The following SGCZ variants were observed in gnomAD, a reference collection of about 807,000 sequenced individuals.
SGCZ encodes sarcoglycan zeta.
SGCZ carries 40 observed loss-of-function variants against 41.3 expected under a neutral mutation model. The observed-to-expected ratio is 0.97, with a 90% confidence interval of 0.75 to 1.26. The LOEUF is 1.26. SGCZ is among the 50% of genes most tolerant of loss of function. The pLI is 0.00. For missense variants in SGCZ, 552 were observed against 369.8 expected, an observed-to-expected ratio of 1.49 and a Z score of -4.04; for synonymous variants, 206 against 137.5, an observed-to-expected ratio of 1.50 and a Z score of -3.49.
intron 1 of SGCZ, among the ~76,000 whole-genome samples, chr8:15,196,619 T>G (rs1026709722): frequency 3.2e-4 from 41 of 128,146 alleles, no homozygotes; most frequent in African/African-American, 9.8e-4. Context: ...ACAGTAAAAT[T>G]TCTTTTATTT....
At chr8:14,774,396 A>G (rs1257825510) in intron 1 of SGCZ, among the ~76,000 whole-genome samples, 1 of 152,182 alleles carries the variant, frequency 6.6e-6, no homozygotes, top group Non-Finnish European at 1.5e-5. Context: ...ATACTCCGCA[A>G]CAGGCTATCA....
intron 1 of SGCZ, among the ~76,000 whole-genome samples, chr8:14,774,743 T>C (rs1800348065): frequency 6.6e-6 from 1 of 152,216 alleles, no homozygotes; most frequent in African/African-American, 2.4e-5. Flanking sequence ...TGATCTTCAT[T>C]AGCACGAAGG....
At chr8:14,785,582 G>A (rs1246381291) in intron 1 of SGCZ, among the ~76,000 whole-genome samples, 1 of 152,138 alleles carries the variant, frequency 6.6e-6, no homozygotes, top group African/African-American at 2.4e-5. Flanking sequence ...TGGTTCCCAT[G>A]TCCTGACCCC....
chr8:14,247,151 C>G (rs1799126472), intron 3 of SGCZ, among the ~76,000 whole-genome samples: 1 of 152,076 alleles, frequency 6.6e-6, no homozygotes, highest in Non-Finnish European at 1.5e-5. Flanking sequence ...CATTTCTACT[C>G]TGATACTTTT....
chr8:14,266,548 G>C (rs945618278), intron 3 of SGCZ, among the ~76,000 whole-genome samples: 1 of 152,114 alleles, frequency 6.6e-6, no homozygotes, highest in Admixed American at 6.5e-5. Flanking sequence ...TAAATGGAGA[G>C]AGAAGGAAAG....
chr8:14,378,507 G>A (rs1223610391), intron 2 of SGCZ, among the ~76,000 whole-genome samples: 2 of 151,988 alleles, frequency 1.3e-5, no homozygotes, highest in African/African-American at 4.8e-5. Flanking sequence ...ACAAAATGGG[G>A]GAAAATTTTC....
intron 1 of SGCZ, among the ~76,000 whole-genome samples, chr8:14,857,802 G>A (rs1803594207): frequency 6.6e-6 from 1 of 152,082 alleles, no homozygotes; most frequent in Admixed American, 6.6e-5. Context: ...GGAGGTGGAG[G>A]TAGCAGTGAG....
At chr8:14,334,594 T>C in intron 2 of SGCZ, among the ~76,000 whole-genome samples, 1 of 152,118 alleles carries the variant, frequency 6.6e-6, no homozygotes, top group Non-Finnish European at 1.5e-5. Context: ...TCTTAATTTA[T>C]TTGTGCTTTT....
chr8:14,694,962 T>C (rs543831488), intron 1 of SGCZ, among the ~76,000 whole-genome samples: 1 of 152,222 alleles, frequency 6.6e-6, no homozygotes, highest in South Asian at 2.1e-4. Flanking sequence ...ATCTCAAAAA[T>C]TTACCTTTCA....
intron 3 of SGCZ, among the ~76,000 whole-genome samples, chr8:14,314,824 T>C (rs1356807902): frequency 6.6e-6 from 1 of 152,162 alleles, no homozygotes; most frequent in East Asian, 1.9e-4. Flanking sequence ...CATTTTATTA[T>C]GCAAATGAAT....
At chr8:14,730,605 G>C (rs1007945806) in intron 1 of SGCZ, among the ~76,000 whole-genome samples, 1 of 148,822 alleles carries the variant, frequency 6.7e-6, no homozygotes, top group African/African-American at 2.5e-5. Flanking sequence ...CTAACATCAG[G>C]TTCTGCTTGA....
chr8:14,198,587 A>T (rs141698215), intron 4 of SGCZ, among the ~76,000 whole-genome samples: 270 of 106,298 alleles, frequency 2.5e-3, no homozygotes, highest in African/African-American at 0.011. Flanking sequence ...ACCAGAATCT[A>T]AAATAAAAGT....
chr8:14,123,105 T>G (rs572956123), intron 5 of SGCZ, among the ~76,000 whole-genome samples: 1 of 152,290 alleles, frequency 6.6e-6, no homozygotes, highest in African/African-American at 2.4e-5. Flanking sequence ...AGAGAGAAGA[T>G]TCAAACTTTT....
At chr8:14,278,802 T>C (rs950846697) in intron 3 of SGCZ, among the ~76,000 whole-genome samples, 1 of 152,132 alleles carries the variant, frequency 6.6e-6, no homozygotes, top group African/African-American at 2.4e-5. Flanking sequence ...TCTTCTATGA[T>C]CTACCTCTAT....
At chr8:15,191,571 T>C (rs1800539338) in intron 1 of SGCZ, among the ~76,000 whole-genome samples, 1 of 151,266 alleles carries the variant, frequency 6.6e-6, no homozygotes, top group Non-Finnish European at 1.5e-5. Context: ...CACTAATTCA[T>C]CATTGTTTTT....
intron 1 of SGCZ, among the ~76,000 whole-genome samples, chr8:14,744,909 T>A (rs1377859210): frequency 2.0e-5 from 3 of 152,188 alleles, no homozygotes; most frequent in African/African-American, 7.2e-5. Flanking sequence ...TTTATCATAC[T>A]GAATTAAAAC....
chr8:14,571,166 T>G (rs1314673644), intron 1 of SGCZ, among the ~76,000 whole-genome samples: 1 of 151,972 alleles, frequency 6.6e-6, no homozygotes, highest in Non-Finnish European at 1.5e-5. Flanking sequence ...GTCTGCAAGG[T>G]GGCGGGAAAG....
At chr8:14,314,556 A>G (rs887760700) in intron 3 of SGCZ, among the ~76,000 whole-genome samples, 7 of 152,122 alleles carry the variant, frequency 4.6e-5, no homozygotes, top group African/African-American at 1.7e-4. Flanking sequence ...GTCTAGCATT[A>G]GGGATTAAGT....
chr8:14,350,558 G>A (rs1408779362), intron 2 of SGCZ, among the ~76,000 whole-genome samples: 4 of 152,028 alleles, frequency 2.6e-5, no homozygotes, highest in Non-Finnish European at 4.4e-5. Context: ...TGGAGAGTGT[G>A]CACCCAGTGA....
Sources: gnomAD v4.1 joint callset for allele counts (sites outside exome capture counted in the v4.1 genomes callset) on GRCh38, gnomAD v4.1.1 for gene constraint, MANE v1.5 for transcripts, NCBI Gene and HGNC (gene_info 2026-07-23, HGNC 2026-07-21) for gene names.